The following NEK9 variants were observed in gnomAD, a reference collection of about 807,000 sequenced individuals.
NEK9 encodes serine/threonine-protein kinase Nek9.
A neutral mutation model predicts 123.4 loss-of-function variants in NEK9; 75 were observed. The observed-to-expected ratio is 0.61, with a 90% CI of 0.50 to 0.74. The LOEUF (loss-of-function observed/expected upper bound fraction) is 0.74. NEK9 is among the 30% of genes least tolerant of loss of function. The probability of loss-of-function intolerance (pLI) is 0.00; values close to 1 mark genes in which losing one functional copy is unlikely to be tolerated. For synonymous variants in NEK9, 438 were observed against 458.7 expected (o/e 0.95, Z 0.58); for missense variants, 952 against 1,214.4 (o/e 0.78, Z 3.21).
intron 2 of NEK9, 45 bp downstream of exon 2, chr14:75,124,001 T>C (rs1684112965): frequency 6.7e-7 from 1 of 1,482,266 alleles, no homozygotes; most frequent in African/African-American, 1.4e-5. Flanking sequence ...TAATTATGAG[T>C]CTAAGAAAGT....
chr14:75,088,550 T>C lies in NEK9; in HGVS notation c.2534A>G (p.Tyr845Cys), dbSNP rs1234422883. The C allele has an allele frequency of 4.3e-6, 7 of 1,613,966 alleles. No individual in the cohort carries two copies. Among genetic ancestry groups the C allele is most frequent in the Middle Eastern group, 1.6e-4 (1 of 6,078 alleles). ...CACTTTGAGTCCTTGCAGCTCTTCA[T>C]AGGGCAGGGTATCTTTCTCAGATTC... is the stretch of plus-strand genomic sequence containing the variant. ...FSESEKDTLP[Y>C]EELQGLKVAS... Residue 845 changes from tyrosine (Y) to cysteine (C), a missense_variant, in exon 20 of 22, where the codon TAT (tyrosine) becomes TGT (cysteine). Physicochemically the swap from Tyr to Cys is radical, Grantham distance 194. Coordinates refer to ENST00000238616, the MANE Select transcript of NEK9 (RefSeq NM_033116.6).
In NEK9 at chr14:75,114,284, C is replaced by A; in HGVS notation, c.792G>T (p.Val264=). The part of the protein sequence containing the change: ...TNPLNLCVKI[V]QGIRAMEVDS... ...CAACTTCCATGGCCCGAATTCCTTGCACGATCTTCACACACAGGTTAAGTG... is the reference window on the plus strand; with the variant it reads ...CAACTTCCATGGCCCGAATTCCTTGAACGATCTTCACACACAGGTTAAGTG... Residue 264 remains valine (V), a synonymous_variant, in exon 7 of 22, where the codon GTG becomes GTT. Transcript: ENST00000238616. 6.2e-7 allele frequency: 1 copy of A among 1,614,064 alleles called. No homozygotes were observed. The highest frequency in any genetic ancestry group is 8.5e-7 in the Non-Finnish European group (1 of 1,179,952).
Position 75,109,752 on chromosome 14 carries a change from C to T in NEK9, c.1115G>A (p.Arg372Gln), listed in dbSNP as rs374141461. The change falls in exon 10 of 22, where the codon CGG becomes CAG. Residue 372 changes from arginine (R) to glutamine (Q), a missense_variant. By Grantham distance (43) the Arg-to-Gln change is conservative. Transcript: ENST00000238616. ...LDVIKSGCSARQVCAGNTHFA... is the reference protein window; with the variant it reads ...LDVIKSGCSAQQVCAGNTHFA... The stretch of plus-strand genomic sequence containing the variant: ...GTGGGTATTCCCTGCACAGACCTGC[C>T]GGGCACTACAGCCACTCTTGATAAC... The T allele has an allele frequency of 6.8e-5, 109 of 1,613,984 alleles. No individual in the cohort carries two copies. The highest frequency in any genetic ancestry group is 8.7e-5 in the Non-Finnish European group (103 of 1,180,006).
chr14:75,124,251 T>G (rs1186618590), intron 1 of NEK9, 28 bp from the exon 2 acceptor site: 1 of 1,597,938 alleles, frequency 6.3e-7, no homozygotes, highest in South Asian at 1.1e-5. Context: ...GGTATCGTGC[T>G]TTTCCTCTTG....
At chr14:75,103,445 AATTT>A (rs1200881701) in intron 14 of NEK9, among the ~76,000 whole-genome samples, 1 of 152,172 alleles carries the variant, frequency 6.6e-6, no homozygotes, top group Non-Finnish European at 1.5e-5. Context: ...CTTTGTAATC[AATTT>A]ATTTGTTGAA....
intron 21 of NEK9, chr14:75,086,679 G>A (rs1051875517): frequency 5.4e-5 from 13 of 240,492 alleles, no homozygotes; most frequent in South Asian, 4.5e-4. Context: ...AGGCTGAGGC[G>A]GGTGGATCAT....
chr14:75,107,629 A>G, intron 10 of NEK9, 142 bp from the exon 11 acceptor site: 3 of 624,560 alleles, frequency 4.8e-6, no homozygotes, highest in South Asian at 4.9e-5. Context: ...TCGGCTTCCC[A>G]AAGTGCTGGG....
rs750787010 is a variant in NEK9 at position 75,107,366 on chromosome 14, T to G, written c.1304A>C (p.Asp435Ala). The G allele has an allele frequency of 6.2e-7, 1 of 1,613,658 alleles. No homozygotes were observed. Among genetic ancestry groups the G allele is most frequent in the Non-Finnish European group, 8.5e-7 (1 of 1,179,868 alleles). Reference sequence around the variant, plus strand: ...ACCAGTCACACAGACAGTGAAATCATCACCACATGACACCTGACGGATAGC... The same window carrying G: ...ACCAGTCACACAGACAGTGAAATCAGCACCACATGACACCTGACGGATAGC... Reference protein sequence around the residue: ...GKAIRQVSCGDDFTVCVTDEG... With the variant: ...GKAIRQVSCGADFTVCVTDEG... The change falls in exon 11 of 22, where the codon GAT becomes GCT. Residue 435 changes from aspartate to alanine, a missense_variant. Around this residue, in one of 4 missense-constraint regions of NEK9, gnomAD observed 698 missense variants for 875.6 expected, o/e 0.80. Coordinates refer to ENST00000238616, the MANE Select transcript of NEK9 (RefSeq NM_033116.6).
At chr14:75,103,331 A>G (rs1894654324) in intron 14 of NEK9, among the ~76,000 whole-genome samples, 1 of 152,234 alleles carries the variant, frequency 6.6e-6, no homozygotes, top group Non-Finnish European at 1.5e-5. Context: ...CAATCAATCA[A>G]AAAAACTCCA....
At position 75,101,079 on chromosome 14, in the gene NEK9, C is replaced by T; in HGVS notation, c.1915G>A (p.Gly639Arg). ...AGGGGTCCCCCCAACAGGTTGATTC[C>T]CAGACGCTTCTTGTAGTTCCCAACG... ...LGVGNYKKRLGINLLGGPLGG... is the reference protein window; with the variant it reads ...LGVGNYKKRLRINLLGGPLGG... The change falls in exon 16 of 22, where the codon GGA becomes AGA. Residue 639 changes from glycine (G) to arginine (R), a missense_variant. Coordinates refer to ENST00000238616, the MANE Select transcript of NEK9 (RefSeq NM_033116.6). 1 of 1,614,218 alleles carries T rather than the reference C, an allele frequency of 6.2e-7. No individual in the cohort carries two copies. The highest frequency in any genetic ancestry group is 1.1e-5 in the South Asian group (1 of 91,088).
rs1893864378 is a variant in NEK9, at chr14:75,081,330, T to G, written c.*3234A>C. 6.6e-6 allele frequency: 1 copy of G among 152,224 alleles called. No individual in the cohort carries two copies. Among genetic ancestry groups the G allele is most frequent in the African/African-American group, 2.4e-5 (1 of 41,446 alleles). 9.4% of individuals were successfully genotyped at this position (152,224 alleles called of 1,614,324 possible). On this transcript the variant is annotated 3_prime_UTR_variant, in exon 22 of 22. Transcript: ENST00000238616. This position sits in a 1 kb window ranked among gnomAD's most constrained non-coding sequence, Gnocchi z 4.2. Reference sequence around the variant, plus strand: ...TGCTTTCATTATCAATTTATCACTCTCCACAGCTACACAGGTGGTAACAGA... The same window carrying G: ...TGCTTTCATTATCAATTTATCACTCGCCACAGCTACACAGGTGGTAACAGA...
chr14:75,088,441 T>C (rs1566639092), intron 20 of NEK9, 39 bp downstream of exon 20: 1 of 1,601,788 alleles, frequency 6.2e-7, no homozygotes. Context: ...GCAGTGACTG[T>C]TTACCTAGTT....
chr14:75,084,479 C>A lies in NEK9; in HGVS notation c.*85G>T, dbSNP rs1010275811. The A allele has an allele frequency of 1.2e-5, 18 of 1,541,194 alleles. No individual in the cohort carries two copies. The highest frequency in any genetic ancestry group is 1.4e-5 in the Non-Finnish European group (16 of 1,126,982). On this transcript the variant is annotated 3_prime_UTR_variant, in exon 22 of 22. Coordinates refer to ENST00000238616, the MANE Select transcript of NEK9 (RefSeq NM_033116.6). The stretch of plus-strand genomic sequence containing the variant: ...CTCCTTTTCTGCAAGTGAACAAAGC[C>A]AGGAAAGCTGCTCTCTGCATTCGGT...
chr14:75,090,494 T>C (rs190969642), intron 19 of NEK9, among the ~76,000 whole-genome samples: 2 of 152,226 alleles, frequency 1.3e-5, no homozygotes, highest in East Asian at 1.9e-4. Context: ...CATACAGATA[T>C]ATCATCCTCT....
At chr14:75,113,955 C>T (rs113651174) in intron 7 of NEK9, among the ~76,000 whole-genome samples, 1 of 151,742 alleles carries the variant, frequency 6.6e-6, no homozygotes, top group Non-Finnish European at 1.5e-5. Flanking sequence ...CATAAAAAAT[C>T]GAGCACAATT....
intron 10 of NEK9, among the ~76,000 whole-genome samples, chr14:75,108,646 C>T (rs1463779530): frequency 6.6e-6 from 1 of 151,790 alleles, no homozygotes; most frequent in African/African-American, 2.4e-5. Flanking sequence ...TCTCCACCTC[C>T]CAGGCTCAAG....
intron 5 of NEK9, among the ~76,000 whole-genome samples, chr14:75,118,040 AG>A (rs1303369942): frequency 2.6e-5 from 4 of 152,190 alleles, no homozygotes; most frequent in Non-Finnish European, 4.4e-5. Flanking sequence ...AAAAAAGTCA[AG>A]TCTTGGTTTT....
At chr14:75,106,832 TA>T in intron 11 of NEK9, 130 bp from the exon 12 acceptor site, 1 of 678,724 alleles carries the variant, frequency 1.5e-6, no homozygotes. Context: ...TCCAAGAAAT[TA>T]AAAGGACAGA....
chr14:75,126,710 C>T lies in NEK9; in HGVS notation c.212G>A (p.Arg71His), dbSNP rs1356577930. ...GGCGCCGAGGGCCGCTACCTCGGTG[C>T]GGCGGTACAGCGTGGCTTCCCCGAA... ...GAFGEATLYR[R>H]TEDDSLVVWK... Residue 71 changes from arginine to histidine, a missense_variant, in exon 1 of 22, where the codon CGC becomes CAC. Physicochemically the swap from Arg to His is conservative, Grantham distance 29 (BLOSUM62 0). Transcript: ENST00000238616. 3.5e-6 allele frequency: 5 copies of T among 1,436,854 alleles called. No homozygotes were observed. Among genetic ancestry groups the T allele is most frequent in the Non-Finnish European group, 3.6e-6 (4 of 1,097,512 alleles). The allele number at this position is 1,436,854 out of a possible 1,614,324, so 89.0% of individuals were successfully genotyped here.
Sources: allele counts gnomAD v4.1 joint callset (sites outside exome capture counted in the v4.1 genomes callset), GRCh38; gene constraint gnomAD v4.1.1; regional missense constraint gnomAD v4.1.1; non-coding constraint Gnocchi (gnomAD v3.1); transcripts MANE v1.5; gene names NCBI Gene and HGNC (gene_info 2026-07-23, HGNC 2026-07-21).